Variants in DUS2 observed in about 807,000 individuals in gnomAD.
DUS2 encodes the protein tRNA-dihydrouridine(20) synthase [NAD(P)+]-like.
A neutral mutation model predicts 71.3 loss-of-function variants in DUS2; 52 were observed. The observed-to-expected ratio is 0.73, with a 90% CI of 0.58 to 0.92. DUS2 has a LOEUF of 0.92. DUS2 is among the 40% of genes least tolerant of loss of function. The pLI is 0.00. For synonymous variants in DUS2, 204 were observed against 227.8 expected (o/e 0.90, Z 0.94); for missense variants, 558 against 622.6 (o/e 0.90, Z 1.10).
rs183668312 is a variant in DUS2 at position 68,037,986 on chromosome 16, G to A, written c.-18-20G>A. ...TTCTTCATTTGAATTTCTGACTCTT[G>A]TTTCCTCTTTTTTTTTCAGGCTGTA... On this transcript the variant is annotated intron_variant, in intron 2 of 16. Transcript: ENST00000565263. The A allele has an allele frequency of 6.2e-7, 1 of 1,600,302 alleles. No homozygotes were observed. Among genetic ancestry groups the A allele is most frequent in the East Asian group, 2.2e-5 (1 of 44,670 alleles).
At chr16:68,028,532 G>A (rs1273924107) in intron 2 of DUS2, among the ~76,000 whole-genome samples, 2 of 151,990 alleles carry the variant, frequency 1.3e-5, no homozygotes, top group Admixed American at 6.6e-5. Flanking sequence ...CCAGCTACTC[G>A]AGAGGCTGAG....
chr16:68,032,692 G>A (rs1367116079), intron 2 of DUS2, among the ~76,000 whole-genome samples: 3 of 150,532 alleles, frequency 2.0e-5, no homozygotes, highest in East Asian at 3.9e-4. Flanking sequence ...CAGGGTGGCC[G>A]GGCACAGTGG....
At chr16:68,036,019 T>TG (rs2033521100) in intron 2 of DUS2, among the ~76,000 whole-genome samples, 1 of 149,366 alleles carries the variant, frequency 6.7e-6, no homozygotes, top group Non-Finnish European at 1.5e-5. Flanking sequence ...TATTTTTAGA[T>TG]GGAGTTTTCC....
At chr16:68,043,837 G>T (rs2033665156) in intron 3 of DUS2, among the ~76,000 whole-genome samples, 1 of 151,968 alleles carries the variant, frequency 6.6e-6, no homozygotes, top group Non-Finnish European at 1.5e-5. Context: ...CTTAATTTAG[G>T]TATTTTTGGT....
chr16:68,078,713 C>A, intron 16 of DUS2, 36 bp from the exon 17 acceptor site: 1 of 1,579,094 alleles, frequency 6.3e-7, no homozygotes, highest in Non-Finnish European at 8.6e-7. Flanking sequence ...TAGCCCTGCA[C>A]CCTGCCCCTC....
rs1281870474 is a variant in DUS2, at chr16:68,075,538, G to A, written c.1082+34G>A. ...CCAGCTTGGCCTCAGCTTGGGCTAG[G>A]GCCAGCACCCTTGGGGTCCCACTGG... On this transcript the variant is annotated intron_variant, in intron 14 of 16. Transcript: ENST00000565263. 3 of 1,589,424 alleles carry A rather than the reference G, an allele frequency of 1.9e-6. No homozygotes were observed. In the African/African-American group the frequency reaches 4.0e-5, roughly 21 times the overall value.
At chr16:68,024,917 T>C (rs1172518581) in intron 1 of DUS2, among the ~76,000 whole-genome samples, 1 of 151,648 alleles carries the variant, frequency 6.6e-6, no homozygotes, top group Non-Finnish European at 1.5e-5. Flanking sequence ...CTGCAGTCTC[T>C]GCCTTCTGGG....
At chr16:68,069,073 C>G (rs1168410284) in intron 10 of DUS2, among the ~76,000 whole-genome samples, 2 of 151,962 alleles carry the variant, frequency 1.3e-5, no homozygotes, top group East Asian at 3.9e-4. Flanking sequence ...TTGACAGGGC[C>G]CTCGACCCTT....
chr16:68,061,148 AAC>A (rs1261028416), intron 8 of DUS2, 35 bp downstream of exon 8: 7 of 1,606,774 alleles, frequency 4.4e-6, no homozygotes, highest in Non-Finnish European at 6.0e-6. Flanking sequence ...GGGGTCCTCA[AAC>A]ACAGCTCCAA....
Position 68,070,987 on chromosome 16 carries a change from T to G in DUS2, c.689T>G (p.Phe230Cys). Reference protein sequence around the residue: ...HIQQYSDIEDFRQATAASSVM... With the variant: ...HIQQYSDIEDCRQATAASSVM... ...CAACAGTATTCGGACATAGAGGACT[T>G]TCGACAAGCCACGGCAGCCTCTTCC... Residue 230 changes from phenylalanine to cysteine, a missense_variant, in exon 12 of 17, where the codon TTT becomes TGT. Physicochemically the swap from Phe to Cys is radical, Grantham distance 205 (BLOSUM62 -2). Coordinates refer to ENST00000565263, the MANE Select transcript of DUS2 (RefSeq NM_017803.5). The G allele has an allele frequency of 6.2e-7, 1 of 1,614,164 alleles. No individual in the cohort carries two copies. Among genetic ancestry groups the G allele is most frequent in the Non-Finnish European group, 8.5e-7 (1 of 1,180,024 alleles).
At chr16:68,053,114 C>T (rs1263427588) in intron 4 of DUS2, among the ~76,000 whole-genome samples, 3 of 152,102 alleles carry the variant, frequency 2.0e-5, no homozygotes, top group Non-Finnish European at 4.4e-5. Flanking sequence ...AGGCATACCC[C>T]ACCACGCCTG....
At chr16:68,028,235 G>A (rs908369818) in intron 2 of DUS2, among the ~76,000 whole-genome samples, 6 of 152,124 alleles carry the variant, frequency 3.9e-5, no homozygotes, top group Admixed American at 2.6e-4. Context: ...GTAGAGCTGA[G>A]AAGCTCTTTG....
intron 8 of DUS2, among the ~76,000 whole-genome samples, chr16:68,063,499 G>A (rs1483040465): frequency 6.6e-6 from 1 of 152,154 alleles, no homozygotes; most frequent in Admixed American, 6.5e-5. Context: ...TGTAATTAAT[G>A]CCACTGAATT....
chr16:68,044,332 A>G (rs9923433), intron 3 of DUS2, among the ~76,000 whole-genome samples: 7,073 of 152,014 alleles, frequency 0.047, 518 homozygotes, highest in African/African-American at 0.16. Flanking sequence ...TATTGCTGTC[A>G]TAACAATATT....
chr16:68,035,625 G>A (rs1367318751), intron 2 of DUS2, among the ~76,000 whole-genome samples: 2 of 150,694 alleles, frequency 1.3e-5, no homozygotes, highest in African/African-American at 2.4e-5. Context: ...CTGGCCTCAA[G>A]CAATCCTCCT....
At chr16:68,046,511 T>G (rs2033703744) in intron 3 of DUS2, among the ~76,000 whole-genome samples, 1 of 152,164 alleles carries the variant, frequency 6.6e-6, no homozygotes, top group Admixed American at 6.5e-5. Context: ...CCCCAGTAGC[T>G]GGGATACAGG....
intron 15 of DUS2, chr16:68,077,859 G>C (rs1223375083): frequency 6.3e-6 from 1 of 157,818 alleles, no homozygotes; most frequent in Non-Finnish European, 1.4e-5. Flanking sequence ...CTGGCCTCAA[G>C]GCTTATACCT....
intron 6 of DUS2, among the ~76,000 whole-genome samples, chr16:68,055,659 C>T (rs906344535): frequency 9.2e-5 from 14 of 152,060 alleles, no homozygotes; most frequent in African/African-American, 3.1e-4. Context: ...GAAATAATGC[C>T]TGTAAATGTC....
At chr16:68,070,351 C>A in intron 11 of DUS2, 131 bp downstream of exon 11, 1 of 765,562 alleles carries the variant, frequency 1.3e-6, no homozygotes, top group Non-Finnish European at 2.2e-6. Context: ...TCCACAAGAC[C>A]CCAGACCTGT....
Sources: allele counts gnomAD v4.1 joint callset (sites outside exome capture counted in the v4.1 genomes callset), GRCh38; gene constraint gnomAD v4.1.1; transcripts MANE v1.5; gene names NCBI Gene and HGNC (gene_info 2026-07-23, HGNC 2026-07-21).